Variants in ST6GALNAC3 observed in about 807,000 individuals in gnomAD.
The protein encoded by ST6GALNAC3 is ST6 N-acetylgalactosaminide alpha-2,6-sialyltransferase 3, also known as alpha-N-acetylgalactosaminide alpha-2,6-sialyltransferase 3.
In ST6GALNAC3, 25 loss-of-function variants were observed where a neutral mutation model predicts 32.7. That is an observed-to-expected ratio of 0.76 (90% CI 0.56 to 1.07). ST6GALNAC3 has a LOEUF of 1.07. ST6GALNAC3 is among the 50% of genes least tolerant of loss of function. ST6GALNAC3 has a pLI of 0.00. For synonymous variants in ST6GALNAC3, 129 were observed against 133.1 expected, an observed-to-expected ratio of 0.97 and a Z score of 0.21; for missense variants, 355 against 382.4, an observed-to-expected ratio of 0.93 and a Z score of 0.60.
intron 3 of ST6GALNAC3, among the ~76,000 whole-genome samples, chr1:76,618,060 A>G (rs1648408800): frequency 6.6e-6 from 1 of 152,202 alleles, no homozygotes; most frequent in Non-Finnish European, 1.5e-5. Flanking sequence ...ACAACTGCAC[A>G]TTTTCAATTT....
At chr1:76,238,189 T>C (rs12074693) in intron 1 of ST6GALNAC3, among the ~76,000 whole-genome samples, 17,919 of 152,240 alleles carry the variant, frequency 0.12, 1,347 homozygotes, top group African/African-American at 0.22. Context: ...TCCCACACTG[T>C]GCTTCCTTTG....
intron 1 of ST6GALNAC3, among the ~76,000 whole-genome samples, chr1:76,282,882 T>A (rs903744319): frequency 8.7e-5 from 9 of 103,178 alleles, no homozygotes; most frequent in Admixed American, 3.0e-4. Flanking sequence ...AAAAAAAAAA[T>A]TCAAAAATTA....
intron 3 of ST6GALNAC3, among the ~76,000 whole-genome samples, chr1:76,473,923 G>C (rs1659189116): frequency 6.6e-6 from 1 of 151,912 alleles, no homozygotes; most frequent in Non-Finnish European, 1.5e-5. Flanking sequence ...TTTTTGCCAT[G>C]TTAGAATCCT....
At position 76,374,565 on chromosome 1, in the gene ST6GALNAC3, A is replaced by T. The variant is rs182640090; in HGVS notation, c.214-37443A>T. Among the ~76,000 whole-genome samples the T allele has an allele frequency of 5.4e-3, 819 of 152,344 alleles. 3 individuals are homozygous for T. Among genetic ancestry groups the T allele is most frequent in the Non-Finnish European group, 7.1e-3 (482 of 68,022 alleles). On this transcript the variant is annotated intron_variant, in intron 2 of 4. Transcript: ENST00000328299. ...GTCTAATGACATGAACATATCGTAG[A>T]TTCTTTAAGAAGAACCTATTTGCAA...
In ST6GALNAC3 at chr1:76,634,040, TTC is replaced by T. The variant is rs1649423852; in HGVS notation, c.*5236_*5237del. On this transcript the variant is annotated 3_prime_UTR_variant, in exon 5 of 5. Transcript: ENST00000328299. ...GTGCAGAAAATCTCATTTAGTTTTTTTCTTTTTTTTTTTCAGTTAACTACTTG... is the reference window on the plus strand; with the variant it reads ...GTGCAGAAAATCTCATTTAGTTTTTTTTTTTTTTTTTCAGTTAACTACTTG... The T allele has an allele frequency of 6.3e-6, 3 of 479,250 alleles. No individual in the cohort carries two copies. The Admixed American group carries it at 1.9e-4, about 31-fold the overall frequency. 29.7% of individuals were successfully genotyped at this position (479,250 alleles called of 1,614,324 possible).
rs151210484 is a variant in ST6GALNAC3 at position 76,577,443 on chromosome 1, C to G, written c.624-50009C>G. The G allele has an allele frequency of 3.5e-3, 1,249 of 360,482 alleles. 16 individuals are homozygous for G. The highest frequency in any genetic ancestry group is 0.024 in the African/African-American group (1,064 of 45,096). 22.3% of individuals were successfully genotyped at this position (360,482 alleles called of 1,614,324 possible). On this transcript the variant is annotated intron_variant, in intron 3 of 4. Coordinates refer to ENST00000328299, the MANE Select transcript of ST6GALNAC3 (RefSeq NM_152996.4). ...CTTGGCTCACTAATTCATGCCATGC[C>G]GCTCAAAATTAAAGCATTAAAATTT...
intron 3 of ST6GALNAC3, among the ~76,000 whole-genome samples, chr1:76,415,851 A>G (rs557289506): frequency 6.6e-6 from 1 of 152,202 alleles, no homozygotes; most frequent in East Asian, 1.9e-4. Flanking sequence ...TAAACAATAT[A>G]TACTGTGTAT....
At chr1:76,219,644 A>G (rs1245975845) in intron 1 of ST6GALNAC3, among the ~76,000 whole-genome samples, 1 of 152,326 alleles carries the variant, frequency 6.6e-6, no homozygotes, top group East Asian at 1.9e-4. Flanking sequence ...TTTTGGCCAT[A>G]CATCACTAAA....
intron 3 of ST6GALNAC3, among the ~76,000 whole-genome samples, chr1:76,615,441 A>C (rs561805931): frequency 1.3e-5 from 2 of 152,188 alleles, no homozygotes; most frequent in African/African-American, 4.8e-5. Flanking sequence ...AACAGCTTTC[A>C]GAGTTCAGCT....
chr1:76,318,498 CT>C (rs1256204987), intron 2 of ST6GALNAC3, among the ~76,000 whole-genome samples: 4 of 152,114 alleles, frequency 2.6e-5, no homozygotes, highest in Non-Finnish European at 5.9e-5. Flanking sequence ...CGTGTTTAAG[CT>C]GATAGCAACC....
chr1:76,590,750 G>A lies in ST6GALNAC3; in HGVS notation c.624-36702G>A, dbSNP rs140687893. Among the ~76,000 whole-genome samples the A allele has an allele frequency of 7.0e-3, 1,065 of 152,314 alleles. 12 individuals carry two copies. Among genetic ancestry groups the A allele is most frequent in the Admixed American group, 0.035 (535 of 15,284 alleles). On this transcript the variant is annotated intron_variant, in intron 3 of 4. Transcript: ENST00000328299. ...CAGGAAACCAGCATGCAGAAAGCCA[G>A]TAACTGCCTCACTGTTTCATCCCTA...
chr1:76,255,956 G>C (rs1657895483), intron 1 of ST6GALNAC3, among the ~76,000 whole-genome samples: 1 of 150,578 alleles, frequency 6.6e-6, no homozygotes, highest in Non-Finnish European at 1.5e-5. Context: ...GAAAAACAAA[G>C]TATAATAATA....
At chr1:76,311,081 C>A (rs1646753010) in intron 1 of ST6GALNAC3, among the ~76,000 whole-genome samples, 4 of 152,100 alleles carry the variant, frequency 2.6e-5, no homozygotes, top group Admixed American at 2.0e-4. Flanking sequence ...CCACCTAAAT[C>A]AAGTTTCTCA....
At chr1:76,613,227 G>A (rs558521038) in intron 3 of ST6GALNAC3, among the ~76,000 whole-genome samples, 92 of 152,270 alleles carry the variant, frequency 6.0e-4, no homozygotes, top group Admixed American at 1.4e-3. Context: ...CGTGATTTCA[G>A]GGATTAAACA....
At chr1:76,635,483 T>C (rs190959226), downstream of ST6GALNAC3, among the ~76,000 whole-genome samples, 14 of 152,282 alleles carry the variant, frequency 9.2e-5, no homozygotes, top group African/African-American at 2.9e-4. Flanking sequence ...ATAAGGAAAT[T>C]GAAGCACTAG....
chr1:76,330,190 T>C (rs1364210886), intron 2 of ST6GALNAC3, among the ~76,000 whole-genome samples: 2 of 151,884 alleles, frequency 1.3e-5, no homozygotes, highest in Non-Finnish European at 2.9e-5. Flanking sequence ...CCTCACTCTG[T>C]CGCCCAGGCT....
intron 3 of ST6GALNAC3, among the ~76,000 whole-genome samples, chr1:76,622,610 C>T (rs146199731): frequency 6.6e-6 from 1 of 152,022 alleles, no homozygotes; most frequent in East Asian, 1.9e-4. Context: ...TATAAGAGAA[C>T]TGCACAGGAC....
chr1:76,137,055 G>A (rs556084657), intron 1 of ST6GALNAC3, among the ~76,000 whole-genome samples: 1 of 152,180 alleles, frequency 6.6e-6, no homozygotes, highest in Non-Finnish European at 1.5e-5. Context: ...ATATTACAGA[G>A]CCAGGAAGTA....
chr1:76,286,698 G>A (rs1247468423), intron 1 of ST6GALNAC3, among the ~76,000 whole-genome samples: 1 of 152,236 alleles, frequency 6.6e-6, no homozygotes, highest in East Asian at 1.9e-4. Context: ...CGGCCTCATG[G>A]CCATGCCTCA....
Sources: gnomAD v4.1 joint callset for allele counts (sites outside exome capture counted in the v4.1 genomes callset) on GRCh38, gnomAD v4.1.1 for gene constraint, MANE v1.5 for transcripts, NCBI Gene and HGNC (gene_info 2026-07-23, HGNC 2026-07-21) for gene names.